Variants in MDGA2 observed in about 807,000 individuals in gnomAD.
MDGA2 encodes MAM domain containing glycosylphosphatidylinositol anchor 2.
Under a neutral mutation model 117.8 loss-of-function variants are expected in MDGA2, and 40 were observed. The ratio of observed to expected loss-of-function variants is 0.34; its 90% CI spans 0.26 to 0.44. The LOEUF (loss-of-function observed/expected upper bound fraction) is 0.44, where lower values mean the gene tolerates loss of function less well. MDGA2 is among the 20% of genes least tolerant of loss of function. The probability of loss-of-function intolerance (pLI) is 1.00; values close to 1 mark genes in which losing one functional copy is unlikely to be tolerated. For missense variants in MDGA2, 1,123 were observed against 1,250.6 expected, an observed-to-expected ratio of 0.90 and a Z score of 1.54; for synonymous variants, 452 against 439.0, an observed-to-expected ratio of 1.03 and a Z score of -0.37.
chr14:47,068,404 GT>G, intron 6 of MDGA2, among the ~76,000 whole-genome samples: 2 of 78,440 alleles, frequency 2.5e-5, no homozygotes, highest in African/African-American at 1.5e-4. Context: ...CCTATTTTAA[GT>G]AAGAAAAAAA....
At chr14:46,880,033 A>T (rs1029492193) in intron 11 of MDGA2, among the ~76,000 whole-genome samples, 6 of 152,146 alleles carry the variant, frequency 3.9e-5, no homozygotes, top group Non-Finnish European at 8.8e-5. Context: ...CAGTGATAAA[A>T]AGAATCACGT....
intron 8 of MDGA2, among the ~76,000 whole-genome samples, chr14:47,011,932 A>T (rs185562631): frequency 3.3e-5 from 5 of 152,182 alleles, no homozygotes; most frequent in Admixed American, 3.3e-4. Flanking sequence ...TTCACCAGCA[A>T]AGAAGAAACA....
In MDGA2 at chr14:47,354,105, C is replaced by T. The variant is rs900808200; in HGVS notation, c.281-52555G>A. On this transcript the variant is annotated intron_variant, in intron 1 of 16. Transcript: ENST00000399232. ...AAAAGCATTTGACAAAATTCAACAT[C>T]CTATCATGAGAAAAATTCTCAACAA... Among the ~76,000 whole-genome samples, 5 of 152,114 alleles carry T rather than the reference C, an allele frequency of 3.3e-5. No homozygotes were observed. In the East Asian group the frequency reaches 9.6e-4, roughly 29 times the overall value.
chr14:47,033,410 T>C (rs979522794), intron 8 of MDGA2, among the ~76,000 whole-genome samples: 1 of 152,196 alleles, frequency 6.6e-6, no homozygotes, highest in Non-Finnish European at 1.5e-5. Context: ...GCTTTGTGCA[T>C]AACTCGAAGC....
chr14:47,251,383 T>A (rs1887438913), intron 2 of MDGA2, among the ~76,000 whole-genome samples: 1 of 152,188 alleles, frequency 6.6e-6, no homozygotes. Flanking sequence ...TCATAAGAGG[T>A]TAGACTTGAT....
chr14:47,301,519 G>C lies in MDGA2; in HGVS notation c.312C>G (p.Gly104=). The C allele has an allele frequency of 6.4e-7, 1 of 1,551,700 alleles. No homozygotes were observed. The highest frequency in any genetic ancestry group is 1.4e-5 in the African/African-American group (1 of 73,174). The change falls in exon 2 of 17, where the codon GGC becomes GGG. Residue 104 remains glycine (G), a synonymous_variant. Coordinates refer to ENST00000399232, the MANE Select transcript of MDGA2 (RefSeq NM_001113498.3). ...APPTVRIVHS[G]LACNIEEERY... is the part of the protein sequence containing the mutation. ...GCTCCTCTTCAATGTTACAGGCCAAGCCTGAGTGCACAATACGAACCGTGG... is the reference window on the plus strand; with the variant it reads ...GCTCCTCTTCAATGTTACAGGCCAACCCTGAGTGCACAATACGAACCGTGG...
At chr14:47,296,703 GA>G (rs1245651511) in intron 2 of MDGA2, among the ~76,000 whole-genome samples, 1 of 152,186 alleles carries the variant, frequency 6.6e-6, no homozygotes, top group Non-Finnish European at 1.5e-5. Context: ...TTTGAGGAAG[GA>G]AACTATGCTA....
intron 2 of MDGA2, among the ~76,000 whole-genome samples, chr14:47,236,911 T>C (rs1373466564): frequency 6.6e-6 from 1 of 152,204 alleles, no homozygotes; most frequent in Non-Finnish European, 1.5e-5. Context: ...AGAAACCTTG[T>C]AAGGCACCAA....
chr14:47,469,293 C>T (rs368117187), intron 1 of MDGA2, among the ~76,000 whole-genome samples: 1 of 152,060 alleles, frequency 6.6e-6, no homozygotes, highest in African/African-American at 2.4e-5. Context: ...TCTCCTAATG[C>T]TATCCCTCCC....
intron 8 of MDGA2, among the ~76,000 whole-genome samples, chr14:47,026,321 A>G (rs1888472090): frequency 6.6e-6 from 1 of 152,132 alleles, no homozygotes. Flanking sequence ...TGGCTTTATC[A>G]TGCATTAATT....
At chr14:47,255,869 T>C (rs1887600133) in intron 2 of MDGA2, among the ~76,000 whole-genome samples, 1 of 152,076 alleles carries the variant, frequency 6.6e-6, no homozygotes, top group South Asian at 2.1e-4. Flanking sequence ...AGAATAAGTA[T>C]TACTGGAAAC....
chr14:47,614,802 G>C (rs578070338), intron 1 of MDGA2, among the ~76,000 whole-genome samples: 28 of 152,316 alleles, frequency 1.8e-4, no homozygotes, highest in African/African-American at 6.5e-4. Flanking sequence ...CCAGGGCCTA[G>C]TAATTACATA....
In MDGA2 at chr14:47,255,886, T is replaced by TG. The variant is rs577379560; in HGVS notation, c.421-37692dup. Reference sequence around the variant, plus strand: ...AATAAGTATTACTGGAAACCAGTATTGGCATATTTGTATAGTCCAGGTGTT... The same window carrying TG: ...AATAAGTATTACTGGAAACCAGTATTGGGCATATTTGTATAGTCCAGGTGTT... On this transcript the variant is annotated intron_variant, in intron 2 of 16. Coordinates refer to ENST00000399232, the MANE Select transcript of MDGA2 (RefSeq NM_001113498.3). Among the ~76,000 whole-genome samples, 34 of 152,160 alleles carry TG rather than the reference T, an allele frequency of 2.2e-4. No individual in the cohort carries two copies. The South Asian group carries it at 6.6e-3, about 30-fold the overall frequency.
chr14:47,543,032 A>G (rs1444620986), intron 1 of MDGA2, among the ~76,000 whole-genome samples: 1 of 152,108 alleles, frequency 6.6e-6, no homozygotes, highest in East Asian at 1.9e-4. Context: ...AAACATGGCA[A>G]AAACCTGTCT....
At chr14:47,639,090 T>G (rs1404728736) in intron 1 of MDGA2, among the ~76,000 whole-genome samples, 1 of 152,182 alleles carries the variant, frequency 6.6e-6, no homozygotes, top group Non-Finnish European at 1.5e-5. Flanking sequence ...TACTTTACTT[T>G]AATTAGGAAC....
At chr14:47,468,240 G>A (rs1229334099) in intron 1 of MDGA2, among the ~76,000 whole-genome samples, 1 of 152,134 alleles carries the variant, frequency 6.6e-6, no homozygotes, top group African/African-American at 2.4e-5. Flanking sequence ...CTAAGGTCCT[G>A]ACTATCCGTA....
intron 1 of MDGA2, among the ~76,000 whole-genome samples, chr14:47,315,022 T>C (rs1212902314): frequency 6.6e-6 from 1 of 152,158 alleles, no homozygotes; most frequent in African/African-American, 2.4e-5. Flanking sequence ...GTTAATTTTC[T>C]GATATCTTTG....
intron 3 of MDGA2, among the ~76,000 whole-genome samples, chr14:47,192,267 T>C (rs1326505696): frequency 6.6e-6 from 1 of 151,930 alleles, no homozygotes; most frequent in Non-Finnish European, 1.5e-5. Flanking sequence ...TGAGATGGAC[T>C]AAGAGAAATT....
chr14:47,191,199 C>T (rs1316451947), intron 3 of MDGA2, among the ~76,000 whole-genome samples: 2 of 151,844 alleles, frequency 1.3e-5, no homozygotes, highest in African/African-American at 4.8e-5. Flanking sequence ...ACTACAATCT[C>T]ATGCATATTA....
Sources: gnomAD v4.1 joint callset for allele counts (sites outside exome capture counted in the v4.1 genomes callset) on GRCh38, gnomAD v4.1.1 for gene constraint, MANE v1.5 for transcripts, NCBI Gene and HGNC (gene_info 2026-07-23, HGNC 2026-07-21) for gene names.